The following ADAMTSL1 variants were observed in gnomAD, a reference collection of about 807,000 sequenced individuals.
The protein encoded by ADAMTSL1 is ADAMTS like 1, also known as ADAMTS-like protein 1.
ADAMTSL1 carries 126 observed loss-of-function variants against 201.8 expected under a neutral mutation model. The observed-to-expected ratio is 0.62, with a 90% CI of 0.54 to 0.72. The LOEUF is 0.72. Ranked by LOEUF, ADAMTSL1 falls within the 30% of genes least tolerant of loss-of-function variation. The pLI, the probability that ADAMTSL1 is intolerant of heterozygous loss-of-function variation, is 0.00. For missense variants in ADAMTSL1, 2,679 were observed against 2,277.8 expected, an observed-to-expected ratio of 1.18 and a Z score of -3.59; for synonymous variants, 1,121 against 903.4, an observed-to-expected ratio of 1.24 and a Z score of -4.32.
At chr9:18,702,332 C>G (rs927196236) in intron 13 of ADAMTSL1, among the ~76,000 whole-genome samples, 2 of 152,104 alleles carry the variant, frequency 1.3e-5, no homozygotes, top group African/African-American at 4.8e-5. Context: ...TGTGGTGACA[C>G]GAGACTAATC....
intron 21 of ADAMTSL1, among the ~76,000 whole-genome samples, chr9:18,823,155 T>G (rs116697232): frequency 5.5e-4 from 83 of 152,254 alleles, no homozygotes; most frequent in African/African-American, 1.9e-3. Flanking sequence ...AATACCTACA[T>G]CGGCAAACTC....
intron 2 of ADAMTSL1, among the ~76,000 whole-genome samples, chr9:18,416,192 C>T (rs73643273): frequency 0.019 from 2,828 of 151,990 alleles, 94 homozygotes; most frequent in African/African-American, 0.065. Context: ...AAATGATAAT[C>T]GACATTTAAA....
intron 1 of ADAMTSL1, among the ~76,000 whole-genome samples, chr9:17,985,263 A>G (rs2067239268): frequency 6.6e-6 from 1 of 152,146 alleles, no homozygotes; most frequent in Non-Finnish European, 1.5e-5. Flanking sequence ...CCTATTCACC[A>G]CAGAATCTTC....
At chr9:18,681,697 T>TGTCGGG (rs370940110) in intron 11 of ADAMTSL1, 115 bp from the exon 12 acceptor site, 1 of 219,150 alleles carries the variant, frequency 4.6e-6, no homozygotes, top group African/African-American at 6.8e-5. Context: ...AGTCCTCGTG[T>TGTCGGG]GGGGGGGGGG....
At chr9:18,179,768 C>G (rs1267070415) in intron 2 of ADAMTSL1, among the ~76,000 whole-genome samples, 2 of 151,774 alleles carry the variant, frequency 1.3e-5, no homozygotes. Context: ...TCATATCCAG[C>G]CAAACTAAGC....
At chr9:18,611,495 A>G (rs1185847414) in intron 4 of ADAMTSL1, among the ~76,000 whole-genome samples, 1 of 152,174 alleles carries the variant, frequency 6.6e-6, no homozygotes, top group African/African-American at 2.4e-5. Context: ...CAAAAACAAT[A>G]CACAAAAAAA....
chr9:18,050,164 T>G (rs1233175113), intron 1 of ADAMTSL1, among the ~76,000 whole-genome samples: 1 of 152,226 alleles, frequency 6.6e-6, no homozygotes, highest in Admixed American at 6.5e-5. Flanking sequence ...AGTCTCATTA[T>G]ATAGAAGACA....
chr9:18,054,032 G>A (rs12002358), intron 1 of ADAMTSL1, among the ~76,000 whole-genome samples: 15,649 of 151,794 alleles, frequency 0.1, 877 homozygotes, highest in South Asian at 0.23. Flanking sequence ...GTGCAGTTCT[G>A]GTTATAAAAG....
chr9:18,019,018 G>C (rs190781713), intron 1 of ADAMTSL1, among the ~76,000 whole-genome samples: 1 of 152,156 alleles, frequency 6.6e-6, no homozygotes, highest in East Asian at 1.9e-4. Flanking sequence ...ATTAGTCATA[G>C]AATTTTTGGC....
chr9:17,991,580 C>T (rs951174626), intron 1 of ADAMTSL1, among the ~76,000 whole-genome samples: 1 of 152,046 alleles, frequency 6.6e-6, no homozygotes, highest in African/African-American at 2.4e-5. Flanking sequence ...CTTTCAGATT[C>T]CTTCTCTGGA....
rs143306105 is a variant in ADAMTSL1, at chr9:18,433,853, T to C, written c.208-70976T>C. On this transcript the variant is annotated intron_variant, in intron 2 of 29. Coordinates refer to the ADAMTSL1 transcript ENST00000680146. ...TCCACAATGTGTATATGTCCTGACA[T>C]ATAGAAAATGGAATTTCTACTGGAT... Among the ~76,000 whole-genome samples, 5 of 152,348 alleles carry C rather than the reference T, an allele frequency of 3.3e-5. 1 individual carries two copies. The highest frequency in any genetic ancestry group is 7.4e-5 in the Non-Finnish European group (5 of 68,020).
At chr9:18,341,132 A>G (rs984883559) in intron 2 of ADAMTSL1, among the ~76,000 whole-genome samples, 1 of 152,042 alleles carries the variant, frequency 6.6e-6, no homozygotes, top group African/African-American at 2.4e-5. Flanking sequence ...CCTATTTCAA[A>G]CATCTTAGCA....
intron 11 of ADAMTSL1, 198 bp downstream of exon 11, chr9:18,680,714 C>A: frequency 1.7e-6 from 1 of 585,142 alleles, no homozygotes; most frequent in South Asian, 2.1e-5. Flanking sequence ...AAGTGTCTTT[C>A]TTCAAGTTTC....
intron 1 of ADAMTSL1, among the ~76,000 whole-genome samples, chr9:17,950,952 C>T (rs932307572): frequency 1.3e-5 from 2 of 152,054 alleles, no homozygotes; most frequent in Non-Finnish European, 2.9e-5. Context: ...TAGGCTTGAC[C>T]CAGGGTTATT....
intron 2 of ADAMTSL1, among the ~76,000 whole-genome samples, chr9:18,180,814 G>GC (rs1196597936): frequency 1.3e-5 from 2 of 152,108 alleles, no homozygotes; most frequent in African/African-American, 4.8e-5. Context: ...CCAAACAAGA[G>GC]CCCGCATCGC....
chr9:18,006,089 A>G (rs531319242), intron 1 of ADAMTSL1, among the ~76,000 whole-genome samples: 13 of 149,142 alleles, frequency 8.7e-5, no homozygotes, highest in African/African-American at 2.9e-4. Flanking sequence ...ACCACTCGGG[A>G]AAAAAAAAAG....
intron 1 of ADAMTSL1, among the ~76,000 whole-genome samples, chr9:18,104,360 A>G (rs1341849926): frequency 6.6e-6 from 1 of 152,126 alleles, no homozygotes; most frequent in Non-Finnish European, 1.5e-5. Context: ...GGGATGAGCA[A>G]TTCCACCCTA....
intron 16 of ADAMTSL1, among the ~76,000 whole-genome samples, chr9:18,762,279 G>T (rs912219951): frequency 2.0e-5 from 3 of 152,142 alleles, no homozygotes; most frequent in African/African-American, 7.2e-5. Flanking sequence ...GGTCAGGGTG[G>T]GTTGGAGGTG....
chr9:18,713,405 A>T (rs558670699), intron 14 of ADAMTSL1, among the ~76,000 whole-genome samples: 31 of 152,348 alleles, frequency 2.0e-4, no homozygotes, highest in Admixed American at 1.6e-3. Context: ...ATGGAGGAAG[A>T]TCTACCAAGC....
Sources: allele counts gnomAD v4.1 joint callset (sites outside exome capture counted in the v4.1 genomes callset), GRCh38; gene constraint gnomAD v4.1.1; transcripts MANE v1.5; gene names NCBI Gene and HGNC (gene_info 2026-07-23, HGNC 2026-07-21).